ZMYM5: variants seen among roughly 807,000 people sequenced by gnomAD.
ZMYM5 encodes zinc finger MYM-type protein 5.
Under a neutral mutation model 61.8 loss-of-function variants are expected in ZMYM5, and 41 were observed. The ratio of observed to expected loss-of-function variants is 0.66; its 90% CI spans 0.52 to 0.86. The LOEUF (loss-of-function observed/expected upper bound fraction) is 0.86. Among genes scored for constraint, ZMYM5 ranks in the 40% least tolerant of loss-of-function variants. The probability of loss-of-function intolerance (pLI) is 0.00; values close to 1 mark genes in which losing one functional copy is unlikely to be tolerated. For synonymous variants in ZMYM5, 257 were observed against 276.4 expected (o/e 0.93, Z 0.70); for missense variants, 706 against 786.7 (o/e 0.90, Z 1.23).
At position 19,845,843 on chromosome 13, in the gene ZMYM5, G is replaced by A. The variant is rs528710388; in HGVS notation, c.586+5512C>T. On this transcript the variant is annotated intron_variant, in intron 4 of 7. Coordinates refer to ENST00000337963, the MANE Select transcript of ZMYM5 (RefSeq NM_001142684.2). ...TGATGTGTTCACCAACCAAAAGGCT[G>A]CACTGAGCTTCAAAATCTAGAGTAG... Among the ~76,000 whole-genome samples the A allele has an allele frequency of 3.0e-4, 46 of 152,280 alleles. No homozygotes were observed. In the South Asian group the frequency reaches 9.1e-3, roughly 30 times the overall value.
rs1953124551 is a variant in ZMYM5, at chr13:19,847,647, T to C, written c.586+3708A>G. ...AATGAATAGTTTTAATTTTTCTTTT[T>C]TTTTTTTTTCTGTGAGATGGAGTCT... On this transcript the variant is annotated intron_variant, in intron 4 of 7. Coordinates refer to ENST00000337963, the MANE Select transcript of ZMYM5 (RefSeq NM_001142684.2). Among the ~76,000 whole-genome samples the C allele has an allele frequency of 4.6e-5, 7 of 151,650 alleles. No individual in the cohort carries two copies. The Middle Eastern group carries it at 0.014, about 295-fold the overall frequency.
At chr13:19,849,890 G>T (rs1953222163) in intron 4 of ZMYM5, among the ~76,000 whole-genome samples, 1 of 151,866 alleles carries the variant, frequency 6.6e-6, no homozygotes, top group Admixed American at 6.6e-5. Context: ...CTGAGGCCCG[G>T]GGATCACTTG....
rs976001740 is a variant in ZMYM5 at position 19,824,533 on chromosome 13, C to T, written c.1954G>A (p.Glu652Lys). Residue 652 changes from glutamate to lysine, a missense_variant, in exon 8 of 8, where the codon GAA (glutamate) becomes AAA (lysine). By Grantham distance (56) the Glu-to-Lys change is moderately conservative. Around this residue, in one of 2 missense-constraint regions of ZMYM5, gnomAD observed 226 missense variants for 325.0 expected, o/e 0.70. Transcript: ENST00000337963. ...TTCTCATTTTCATATAATCTGTGTT[C>T]TGCAGCATCAATAGCTTTATTTTTT... ...LKKNKAIDAA[E>K]HRLYENEKND... The T allele has an allele frequency of 1.5e-6, 2 of 1,334,474 alleles. No homozygotes were observed. Among genetic ancestry groups the T allele is most frequent in the Admixed American group, 2.3e-5 (1 of 44,060 alleles). The allele number at this position is 1,334,474 out of a possible 1,614,324, so 82.7% of individuals were successfully genotyped here.
intron 4 of ZMYM5, among the ~76,000 whole-genome samples, chr13:19,840,305 G>A (rs1049054805): frequency 2.0e-5 from 3 of 152,320 alleles, no homozygotes; most frequent in Middle Eastern, 3.4e-3. Flanking sequence ...CTGGAAGCCA[G>A]TGAGTTTGAA....
chr13:19,859,368 CA>C (rs1242369017), intron 2 of ZMYM5, among the ~76,000 whole-genome samples: 4 of 152,134 alleles, frequency 2.6e-5, no homozygotes, highest in African/African-American at 7.2e-5. Context: ...CTCACTCTTC[CA>C]ATTTGCTTTT....
chr13:19,848,881 T>C (rs1239063437), intron 4 of ZMYM5, among the ~76,000 whole-genome samples: 1 of 152,098 alleles, frequency 6.6e-6, no homozygotes, highest in East Asian at 1.9e-4. Context: ...CACGCCACTA[T>C]ACCTGGCTAA....
At chr13:19,854,368 T>C (rs1953429122) in intron 2 of ZMYM5, among the ~76,000 whole-genome samples, 1 of 152,176 alleles carries the variant, frequency 6.6e-6, no homozygotes, top group South Asian at 2.1e-4. Flanking sequence ...CTCACACCTG[T>C]AATCCCAGTA....
rs528833355 is a variant in ZMYM5 at position 19,847,417 on chromosome 13, T to C, written c.586+3938A>G. Among the ~76,000 whole-genome samples the C allele has an allele frequency of 2.0e-5, 3 of 152,260 alleles. No homozygotes were observed. In the South Asian group the frequency reaches 6.2e-4, roughly 32 times the overall value. ...ATCTATGTGAGGCCAGATTTTCTTC[T>C]TATACTTCAAGCAAAACAAAATACT... On this transcript the variant is annotated intron_variant, in intron 4 of 7. Coordinates refer to ENST00000337963, the MANE Select transcript of ZMYM5 (RefSeq NM_001142684.2).
At chr13:19,855,741 G>A (rs540547783) in intron 2 of ZMYM5, among the ~76,000 whole-genome samples, 2 of 151,448 alleles carry the variant, frequency 1.3e-5, no homozygotes, top group African/African-American at 2.4e-5. Context: ...GCCAGGTGCA[G>A]TGGCTCATGC....
chr13:19,839,392 A>C (rs1036934064), intron 4 of ZMYM5, among the ~76,000 whole-genome samples: 3 of 151,028 alleles, frequency 2.0e-5, no homozygotes, highest in Non-Finnish European at 4.4e-5. Flanking sequence ...AATATTAGCT[A>C]CTTTTTTTTT....
chr13:19,845,726 G>A (rs920264963), intron 4 of ZMYM5, among the ~76,000 whole-genome samples: 3 of 152,174 alleles, frequency 2.0e-5, no homozygotes, highest in African/African-American at 7.2e-5. Context: ...GCCAAATGAA[G>A]AAGCTCATAA....
At chr13:19,855,463 C>A (rs558372946) in intron 2 of ZMYM5, among the ~76,000 whole-genome samples, 8 of 151,170 alleles carry the variant, frequency 5.3e-5, no homozygotes, top group African/African-American at 1.5e-4. Flanking sequence ...GGGGTTTCAC[C>A]GTGTTAGCCA....
Position 19,837,650 on chromosome 13 carries a change from C to T in ZMYM5, c.1038+6G>A, listed in dbSNP as rs374887313. ...TAAACAACAACTTAGGTATAAAAAT[C>T]CAGACCTCTGCTAATTTACTACAAA... On this transcript the variant is annotated splice_donor_region_variant and intron_variant, in intron 6 of 7. Transcript: ENST00000337963. 24 of 1,592,128 alleles carry T rather than the reference C, an allele frequency of 1.5e-5. No homozygotes were observed. The South Asian group carries it at 1.9e-4, about 12-fold the overall frequency.
intron 4 of ZMYM5, among the ~76,000 whole-genome samples, chr13:19,841,327 G>A (rs959479274): frequency 2.0e-5 from 3 of 152,130 alleles, no homozygotes; most frequent in Non-Finnish European, 4.4e-5. Flanking sequence ...TTAATCCATA[G>A]GTTGGAAGGG....
chr13:19,856,248 C>A (rs961126423), intron 2 of ZMYM5, among the ~76,000 whole-genome samples: 3 of 152,136 alleles, frequency 2.0e-5, no homozygotes, highest in Non-Finnish European at 2.9e-5. Flanking sequence ...GTTTCCTAAA[C>A]TGTGAACAGG....
intron 6 of ZMYM5, among the ~76,000 whole-genome samples, chr13:19,836,119 T>G (rs1310293070): frequency 6.6e-6 from 1 of 152,194 alleles, no homozygotes; most frequent in Non-Finnish European, 1.5e-5. Flanking sequence ...CCACCATGCC[T>G]AGCTGGGAAA....
Position 19,852,091 on chromosome 13 carries a change from G to A in ZMYM5, c.90C>T (p.Asp30=), listed in dbSNP as rs767015519. Residue 30 remains aspartate (D), a synonymous_variant, in exon 3 of 8, where the codon GAC becomes GAT. Coordinates refer to ENST00000337963, the MANE Select transcript of ZMYM5 (RefSeq NM_001142684.2). The stretch of plus-strand genomic sequence containing the variant: ...CTGGATGACCAAATGAATCCCCTAT[G>A]TCCATGAGACTAGTTGCCATGGCCA... The part of the protein sequence containing the change: ...GNMAMATSLM[D]IGDSFGHPAC... The A allele has an allele frequency of 9.9e-6, 16 of 1,613,622 alleles. No homozygotes were observed. Among genetic ancestry groups the A allele is most frequent in the Middle Eastern group, 1.6e-4 (1 of 6,082 alleles).
At chr13:19,852,690 C>T (rs542471250) in intron 2 of ZMYM5, among the ~76,000 whole-genome samples, 14 of 152,140 alleles carry the variant, frequency 9.2e-5, no homozygotes, top group African/African-American at 3.4e-4. Context: ...TCCATTTATG[C>T]CAGATATTAT....
intron 6 of ZMYM5, among the ~76,000 whole-genome samples, chr13:19,837,152 C>T (rs1952700529): frequency 6.6e-6 from 1 of 152,048 alleles, no homozygotes; most frequent in African/African-American, 2.4e-5. Flanking sequence ...CTGCCTCAGC[C>T]TCCCAAGTAG....
Sources: gnomAD v4.1 joint callset for allele counts (sites outside exome capture counted in the v4.1 genomes callset) on GRCh38, gnomAD v4.1.1 for gene constraint, gnomAD v4.1.1 regional missense constraint, MANE v1.5 for transcripts, NCBI Gene and HGNC (gene_info 2026-07-23, HGNC 2026-07-21) for gene names.